The following PTPN5 variants were observed in gnomAD, a reference collection of about 807,000 sequenced individuals.
PTPN5 encodes protein tyrosine phosphatase non-receptor type 5, also known as tyrosine-protein phosphatase non-receptor type 5.
A neutral mutation model predicts 73.9 loss-of-function variants in PTPN5; 29 were observed. The observed-to-expected ratio is 0.39, with a 90% CI of 0.29 to 0.54. PTPN5 has a LOEUF of 0.54. Among genes scored for constraint, PTPN5 ranks in the 20% least tolerant of loss-of-function variants. The pLI, the probability that PTPN5 is intolerant of heterozygous loss-of-function variation, is 0.65. For synonymous variants in PTPN5, 267 were observed against 304.7 expected, an observed-to-expected ratio of 0.88 and a Z score of 1.29; for missense variants, 652 against 751.4, an observed-to-expected ratio of 0.87 and a Z score of 1.55.
rs538482910 is a variant in PTPN5 at position 18,772,931 on chromosome 11, C to T, written c.-113-860G>A. ...CTAAGGAGGCAGAGGACTCAGGAGA[C>T]GTTTGGTACCCAGGAAGGGCCATCT... is the stretch of plus-strand genomic sequence containing the variant. On this transcript the variant is annotated intron_variant, in intron 1 of 14. Coordinates refer to ENST00000358540, the MANE Select transcript of PTPN5 (RefSeq NM_006906.2). Among the ~76,000 whole-genome samples the T allele has an allele frequency of 8.6e-5, 13 of 150,866 alleles. No homozygotes were observed. The East Asian group carries it at 1.4e-3, about 16-fold the overall frequency.
In PTPN5 at chr11:18,740,748, C is replaced by T; in HGVS notation, c.770G>A (p.Gly257Asp). Reference protein sequence around the residue: ...VSLTLDMCTPGCNEEGFGYLM... With the variant: ...VSLTLDMCTPDCNEEGFGYLM... ...ATAGCCAAAGCCCTCCTCGTTGCAG[C>T]CCGGAGTGCACATGTCCAGGGTCAG... The change falls in exon 8 of 15, where the codon GGC becomes GAC. Residue 257 changes from glycine (G) to aspartate (D), a missense_variant. Physicochemically the swap from Gly to Asp is moderately conservative, Grantham distance 94. Transcript: ENST00000358540. The T allele has an allele frequency of 6.3e-7, 1 of 1,595,798 alleles. No individual in the cohort carries two copies. Among genetic ancestry groups the T allele is most frequent in the Non-Finnish European group, 8.5e-7 (1 of 1,169,726 alleles).
chr11:18,746,162 A>AATATGTATATATATATATATAT (rs1735301344), intron 3 of PTPN5, among the ~76,000 whole-genome samples: 1 of 67,638 alleles, frequency 1.5e-5, no homozygotes, highest in African/African-American at 4.4e-5. Flanking sequence ...TATAAATATA[A>AATATGTATATATATATATATAT]ATATATATAT....
intron 8 of PTPN5, 21 bp from the exon 9 acceptor site, chr11:18,737,985 G>C: frequency 4.4e-6 from 7 of 1,602,624 alleles, no homozygotes; most frequent in Non-Finnish European, 6.0e-6. Context: ...AGGACACGGG[G>C]TGTGAGCAGC....
At chr11:18,781,148 C>G (rs1365067501) in intron 1 of PTPN5, among the ~76,000 whole-genome samples, 1 of 152,094 alleles carries the variant, frequency 6.6e-6, no homozygotes, top group Admixed American at 6.5e-5. Flanking sequence ...CCGCACCCCC[C>G]CGGCCCCGCC....
intron 9 of PTPN5, among the ~76,000 whole-genome samples, chr11:18,734,963 A>G (rs60520415): frequency 6.6e-6 from 1 of 152,342 alleles, no homozygotes; most frequent in East Asian, 1.9e-4. Context: ...ATTCTGACTT[A>G]CTAGCAGTGT....
intron 3 of PTPN5, among the ~76,000 whole-genome samples, chr11:18,750,074 C>A (rs760891095): frequency 9.9e-5 from 15 of 152,196 alleles, no homozygotes; most frequent in Non-Finnish European, 1.9e-4. Flanking sequence ...CCATTAATTT[C>A]TCAGATGGAG....
At chr11:18,783,426 C>T (rs1851531968) in intron 1 of PTPN5, among the ~76,000 whole-genome samples, 1 of 152,238 alleles carries the variant, frequency 6.6e-6, no homozygotes, top group African/African-American at 2.4e-5. Context: ...CACCTGACCC[C>T]TGCCTTCGGA....
rs1402055245 is a variant in PTPN5 at position 18,744,926 on chromosome 11, G to A, written c.98-727C>T. ...TAACTGTGCTTTACAGAGCCCTAGT[G>A]TTTTCTCAGGTGCACAGGGGCTGAG... is the stretch of plus-strand genomic sequence containing the variant. On this transcript the variant is annotated intron_variant, in intron 3 of 14. Coordinates refer to ENST00000358540, the MANE Select transcript of PTPN5 (RefSeq NM_006906.2). 2.0e-5 allele frequency among the ~76,000 whole-genome samples: 3 copies of A among 152,226 alleles called. No homozygotes were observed. The East Asian group carries it at 5.8e-4, about 29-fold the overall frequency.
chr11:18,785,940 G>A (rs1198295530), intron 1 of PTPN5, among the ~76,000 whole-genome samples: 2 of 152,168 alleles, frequency 1.3e-5, no homozygotes, highest in South Asian at 2.1e-4. Context: ...TGGATCTCCC[G>A]CATCTGGTGT....
intron 2 of PTPN5, among the ~76,000 whole-genome samples, chr11:18,771,147 C>A (rs780623268): frequency 6.6e-6 from 1 of 152,130 alleles, no homozygotes; most frequent in Admixed American, 6.5e-5. Context: ...CAAGCCCAGG[C>A]AGACATGCCC....
At position 18,775,852 on chromosome 11, in the gene PTPN5, G is replaced by A. The variant is rs147689718; in HGVS notation, c.-113-3781C>T. The stretch of plus-strand genomic sequence containing the variant: ...GGTTTAACGAGGCAGAGGGTGGAAC[G>A]GCAGTGAACCAGCAGAGGGCGCTCA... On this transcript the variant is annotated intron_variant, in intron 1 of 14. Coordinates refer to ENST00000358540, the MANE Select transcript of PTPN5 (RefSeq NM_006906.2). Among the ~76,000 whole-genome samples the A allele has an allele frequency of 3.5e-4, 53 of 152,136 alleles. 1 individual carries two copies. The highest frequency in any genetic ancestry group is 6.2e-4 in the Non-Finnish European group (42 of 68,024).
rs1266634377 is a variant in PTPN5 at position 18,728,541 on chromosome 11, G to A, written c.*393C>T. Reference sequence around the variant, plus strand: ...AGCTCATTACCCCTTCCTGGCTGAGGAGACACAGTGTCCGGTACAGAGGGC... The same window carrying A: ...AGCTCATTACCCCTTCCTGGCTGAGAAGACACAGTGTCCGGTACAGAGGGC... On this transcript the variant is annotated 3_prime_UTR_variant, in exon 15 of 15. Coordinates refer to ENST00000358540, the MANE Select transcript of PTPN5 (RefSeq NM_006906.2). This position sits in a 1 kb window ranked among gnomAD's most constrained non-coding sequence, Gnocchi z 4.1. 6.1e-6 allele frequency: 1 copy of A among 162,618 alleles called. No individual in the cohort carries two copies. The highest frequency in any genetic ancestry group is 1.3e-5 in the Non-Finnish European group (1 of 74,990). The allele number at this position is 162,618 out of a possible 1,614,324, so 10.1% of individuals were successfully genotyped here.
Position 18,733,345 on chromosome 11 carries a change from T to G in PTPN5, c.1108A>C (p.Ile370Leu). 6.2e-7 allele frequency: 1 copy of G among 1,614,056 alleles called. No individual in the cohort carries two copies. Among genetic ancestry groups the G allele is most frequent in the East Asian group, 2.2e-5 (1 of 44,870 alleles). ...RGYGGEEKVYIATQGPIVSTV... is the reference protein window; with the variant it reads ...RGYGGEEKVYLATQGPIVSTV... ...CTGACGATGGGTCCCTGAGTGGCGA[T>G]GTACACCTTCTCCTCCCCACCATAG... The change falls in exon 11 of 15, where the codon ATC becomes CTC. Residue 370 changes from isoleucine to leucine, a missense_variant. This residue lies in a region of PTPN5 where 529 missense variants were observed against 573.9 expected (regional missense o/e 0.92). Coordinates refer to ENST00000358540, the MANE Select transcript of PTPN5 (RefSeq NM_006906.2). The surrounding 1 kb of genome is among the most constrained non-coding windows in gnomAD (Gnocchi z 4.3).
intron 1 of PTPN5, among the ~76,000 whole-genome samples, chr11:18,778,552 A>T (rs1851276328): frequency 6.6e-6 from 1 of 152,160 alleles, no homozygotes; most frequent in Non-Finnish European, 1.5e-5. Context: ...CATCCTGACG[A>T]GAGTTCTCAC....
intron 3 of PTPN5, among the ~76,000 whole-genome samples, chr11:18,760,231 T>C (rs940660012): frequency 6.6e-6 from 1 of 152,226 alleles, no homozygotes; most frequent in African/African-American, 2.4e-5. Flanking sequence ...ACTGCCCTTG[T>C]TGGCTACTGG....
chr11:18,771,888 T>A, intron 2 of PTPN5, 51 bp downstream of exon 2: 1 of 1,535,078 alleles, frequency 6.5e-7, no homozygotes, highest in Non-Finnish European at 9.0e-7. Context: ...GGAGAAGGCT[T>A]GGCCTCCTCA....
In PTPN5 at chr11:18,733,516, C is replaced by T; in HGVS notation, c.1080+40G>A. ...GAGGATGGATCCCATCGACTCAGGC[C>T]TCCCCTTGAGCAAGAGGCCGTCAGG... On this transcript the variant is annotated intron_variant, in intron 10 of 14. Coordinates refer to ENST00000358540, the MANE Select transcript of PTPN5 (RefSeq NM_006906.2). This position sits in a 1 kb window ranked among gnomAD's most constrained non-coding sequence, Gnocchi z 4.3. The T allele has an allele frequency of 6.2e-7, 1 of 1,613,202 alleles. No individual in the cohort carries two copies. The highest frequency in any genetic ancestry group is 1.1e-5 in the South Asian group (1 of 91,022).
intron 1 of PTPN5, among the ~76,000 whole-genome samples, chr11:18,790,942 C>A (rs1333407305): frequency 1.3e-5 from 2 of 152,174 alleles, no homozygotes; most frequent in Non-Finnish European, 2.9e-5. Flanking sequence ...AGGTAAGCCT[C>A]CCAAGGCTCT....
intron 9 of PTPN5, among the ~76,000 whole-genome samples, chr11:18,735,232 T>C (rs1387632082): frequency 1.3e-5 from 2 of 152,086 alleles, no homozygotes; most frequent in Non-Finnish European, 2.9e-5. Flanking sequence ...TTCGCCTCTT[T>C]AGCCCAACCC....
Sources: allele counts gnomAD v4.1 joint callset (sites outside exome capture counted in the v4.1 genomes callset), GRCh38; gene constraint gnomAD v4.1.1; regional missense constraint gnomAD v4.1.1; non-coding constraint Gnocchi (gnomAD v3.1); transcripts MANE v1.5; gene names NCBI Gene and HGNC (gene_info 2026-07-23, HGNC 2026-07-21).